Variants in LIMD1 observed in about 807,000 individuals in gnomAD.
LIMD1 encodes the protein LIM domain-containing protein 1.
In LIMD1, 23 loss-of-function variants were observed where a neutral mutation model predicts 58.4. The observed-to-expected ratio is 0.39, with a 90% CI of 0.28 to 0.56. The LOEUF is 0.56. Among genes scored for constraint, LIMD1 ranks in the 20% least tolerant of loss-of-function variants. The probability of loss-of-function intolerance (pLI) is 0.57; values close to 1 mark genes in which losing one functional copy is unlikely to be tolerated. For synonymous variants in LIMD1, 334 were observed against 345.5 expected (o/e 0.97, Z 0.37); for missense variants, 838 against 855.5 (o/e 0.98, Z 0.25).
intron 2 of LIMD1, among the ~76,000 whole-genome samples, chr3:45,647,605 G>A (rs1331342186): frequency 2.0e-5 from 3 of 152,206 alleles, no homozygotes; most frequent in African/African-American, 7.2e-5. Flanking sequence ...CATATGCCCT[G>A]TTTTGGGCAG....
chr3:45,668,401 A>T, intron 4 of LIMD1, 45 bp downstream of exon 4: 7 of 1,445,112 alleles, frequency 4.8e-6, no homozygotes, highest in South Asian at 1.2e-5. Flanking sequence ...CAGGTGGAGG[A>T]GGAGGTGTTC....
chr3:45,636,220 C>T lies in LIMD1; in HGVS notation c.1479C>T (p.Tyr493=), dbSNP rs149909565. ...CCTGTCAGGCCATGGGGAACCTCTA[C>T]CATGACACATGCTTCACCTGTGCAG... ...GQACQAMGNL[Y]HDTCFTCAAC... Residue 493 remains tyrosine (Y), a synonymous_variant, in exon 2 of 8, where the codon TAC becomes TAT. Coordinates refer to ENST00000273317, the MANE Select transcript of LIMD1 (RefSeq NM_014240.3). The T allele has an allele frequency of 2.1e-4, 343 of 1,612,870 alleles. 1 individual carries two copies. In the African/African-American group the frequency reaches 4.2e-3, roughly 20 times the overall value.
intron 2 of LIMD1, among the ~76,000 whole-genome samples, chr3:45,662,495 C>A (rs1000184937): frequency 2.0e-5 from 3 of 152,074 alleles, no homozygotes; most frequent in African/African-American, 7.2e-5. Context: ...TTACCTATCA[C>A]CCAGAATGCA....
In LIMD1 at chr3:45,596,034, C is replaced by G. The variant is rs778834586; in HGVS notation, c.1155C>G (p.Pro385=). Residue 385 remains proline, a synonymous_variant, in exon 1 of 8, where the codon CCC becomes CCG. Transcript: ENST00000273317. Reference sequence around the variant, plus strand: ...TTGGCACTGGTCCCAAGCTCAGCCCCACCAGTCTTGTCCATCCAGTGATGT... The same window carrying G: ...TTGGCACTGGTCCCAAGCTCAGCCCGACCAGTCTTGTCCATCCAGTGATGT... ...TDLGTGPKLS[P]TSLVHPVMST... The G allele has an allele frequency of 1.2e-6, 2 of 1,614,254 alleles. No homozygotes were observed. Among genetic ancestry groups the G allele is most frequent in the East Asian group, 4.5e-5 (2 of 44,884 alleles).
intron 2 of LIMD1, among the ~76,000 whole-genome samples, chr3:45,664,160 T>C (rs7634865): frequency 0.042 from 6,331 of 152,144 alleles, 145 homozygotes; most frequent in African/African-American, 0.068. Flanking sequence ...CTTGAGCCAC[T>C]GTGCCCGGCC....
At chr3:45,637,859 G>A (rs1414565394) in intron 2 of LIMD1, among the ~76,000 whole-genome samples, 1 of 152,230 alleles carries the variant, frequency 6.6e-6, no homozygotes, top group Admixed American at 6.5e-5. Context: ...ACATGCCTGA[G>A]AGTTTATGGT....
At chr3:45,613,685 A>G (rs1451940718) in intron 1 of LIMD1, among the ~76,000 whole-genome samples, 1 of 146,430 alleles carries the variant, frequency 6.8e-6, no homozygotes, top group Non-Finnish European at 1.5e-5. Flanking sequence ...TTTTGTAAAT[A>G]TGGGATCTCG....
intron 2 of LIMD1, among the ~76,000 whole-genome samples, chr3:45,653,520 A>G (rs1482456613): frequency 1.3e-5 from 2 of 152,204 alleles, no homozygotes; most frequent in Non-Finnish European, 2.9e-5. Context: ...TCCTTGGCTT[A>G]CTGAGGCTTG....
intron 2 of LIMD1, among the ~76,000 whole-genome samples, chr3:45,640,426 T>G (rs577975094): frequency 3.9e-4 from 59 of 152,146 alleles, no homozygotes; most frequent in African/African-American, 1.4e-3. Context: ...TTTGTTGTTG[T>G]TGTTGTTTTG....
At chr3:45,676,425 A>G (rs913394067) in intron 7 of LIMD1, among the ~76,000 whole-genome samples, 1 of 151,034 alleles carries the variant, frequency 6.6e-6, no homozygotes, top group Non-Finnish European at 1.5e-5. Context: ...TGCTGCACCT[A>G]TTGTCCCATC....
Position 45,594,834 on chromosome 3 carries a change from CA to C in LIMD1, c.-45del. 2 of 1,080,360 alleles carry C rather than the reference CA, an allele frequency of 1.9e-6. No homozygotes were observed. The highest frequency in any genetic ancestry group is 1.3e-6 in the Non-Finnish European group (1 of 745,318). 66.9% of individuals were successfully genotyped at this position (1,080,360 alleles called of 1,614,324 possible). A position where few individuals can be genotyped will look rare whatever the true frequency, so the allele number is the denominator to read the frequency against. On this transcript the variant is annotated 5_prime_UTR_variant, in exon 1 of 8. Coordinates refer to ENST00000273317, the MANE Select transcript of LIMD1 (RefSeq NM_014240.3). Reference sequence around the variant, plus strand: ...ACACACACACACACACACACACACACACACACACACGGCACCTGGGCTAGGC... The same window carrying C: ...ACACACACACACACACACACACACACCACACACACGGCACCTGGGCTAGGC...
chr3:45,674,429 C>CA lies in LIMD1; in HGVS notation c.1893+19dup. 1 of 1,592,940 alleles carries CA rather than the reference C, an allele frequency of 6.3e-7. No individual in the cohort carries two copies. Among genetic ancestry groups the CA allele is most frequent in the Non-Finnish European group, 8.6e-7 (1 of 1,162,530 alleles). On this transcript the variant is annotated intron_variant, in intron 7 of 7. Transcript: ENST00000273317. ...ACTGCGAGGTAGACCCCTCCCCACC[C>CA]AGCCCCCAAAGCCCATTGTAGACAT... is the stretch of plus-strand genomic sequence containing the variant.
At chr3:45,624,080 C>T (rs1701649144) in intron 1 of LIMD1, among the ~76,000 whole-genome samples, 1 of 152,158 alleles carries the variant, frequency 6.6e-6, no homozygotes, top group South Asian at 2.1e-4. Context: ...CAGAGCTGTC[C>T]AGGTACACAG....
intron 1 of LIMD1, among the ~76,000 whole-genome samples, chr3:45,606,416 GA>G (rs1701468356): frequency 6.6e-6 from 1 of 152,190 alleles, no homozygotes; most frequent in Admixed American, 6.5e-5. Context: ...GCCATTCCAG[GA>G]GCAGCAAAGA....
chr3:45,675,979 G>A (rs373663705), intron 7 of LIMD1, among the ~76,000 whole-genome samples: 113 of 152,248 alleles, frequency 7.4e-4, no homozygotes, highest in Non-Finnish European at 1.3e-3. Context: ...CCTGCTGGGC[G>A]TGGTGGCTCA....
intron 1 of LIMD1, among the ~76,000 whole-genome samples, chr3:45,622,061 C>CAAA (rs34085619): frequency 3.7e-5 from 4 of 108,634 alleles, no homozygotes; most frequent in Non-Finnish European, 3.8e-5. Context: ...GACTCCATCT[C>CAAA]AAAAAAAAAA....
intron 1 of LIMD1, chr3:45,635,069 C>T (rs1360238109): frequency 1.3e-5 from 2 of 152,400 alleles, no homozygotes; most frequent in East Asian, 3.9e-4. Context: ...GAAACCCCAT[C>T]TCTACTGAAA....
rs1369186114 is a variant in LIMD1, at chr3:45,595,944, T to C, written c.1065T>C (p.Ala355=). 2.5e-6 allele frequency: 4 copies of C among 1,614,226 alleles called. No homozygotes were observed. Among genetic ancestry groups the C allele is most frequent in the African/African-American group, 1.3e-5 (1 of 75,072 alleles). The part of the protein sequence containing the change: ...LSSSAPSSSP[A]GLDGSQQGAV... ...GTTCTGCCCCGTCATCCTCGCCAGC[T>C]GGTCTGGACGGTTCACAGCAGGGTG... Residue 355 remains alanine (A), a synonymous_variant, in exon 1 of 8, where the codon GCT becomes GCC. Transcript: ENST00000273317.
rs764329410 is a variant in LIMD1, at chr3:45,595,901, C to T, written c.1022C>T (p.Pro341Leu). 6.2e-7 allele frequency: 1 copy of T among 1,614,062 alleles called. No individual in the cohort carries two copies. The highest frequency in any genetic ancestry group is 1.7e-5 in the Admixed American group (1 of 60,006). Residue 341 changes from proline to leucine, a missense_variant, in exon 1 of 8, where the codon CCC becomes CTC. Around this residue, in one of 3 missense-constraint regions of LIMD1, gnomAD observed 659 missense variants for 639.8 expected, o/e 1.03. Transcript: ENST00000273317. The part of the protein sequence containing the change: ...VDPQPWFQDG[P>L]KSYLSSSAPS... ...CCCCAACCCTGGTTCCAGGATGGGC[C>T]CAAATCTTACCTTTCCAGTTCTGCC...
Sources: allele counts gnomAD v4.1 joint callset (sites outside exome capture counted in the v4.1 genomes callset), GRCh38; gene constraint gnomAD v4.1.1; regional missense constraint gnomAD v4.1.1; transcripts MANE v1.5; gene names NCBI Gene and HGNC (gene_info 2026-07-23, HGNC 2026-07-21).